SKAP2: variants seen among roughly 807,000 people sequenced by gnomAD.
The protein encoded by SKAP2 is src kinase-associated phosphoprotein 2.
Under a neutral mutation model 54.9 loss-of-function variants are expected in SKAP2, and 28 were observed. The observed-to-expected ratio is 0.51, with a 90% CI of 0.38 to 0.70. SKAP2 has a LOEUF of 0.70. Among genes scored for constraint, SKAP2 ranks in the 30% least tolerant of loss-of-function variants. The pLI is 0.00. For synonymous variants in SKAP2, 137 were observed against 134.3 expected, an observed-to-expected ratio of 1.02 and a Z score of -0.14; for missense variants, 356 against 424.1, an observed-to-expected ratio of 0.84 and a Z score of 1.41.
chr7:26,739,418 G>GT (rs1479726545), intron 5 of SKAP2, among the ~76,000 whole-genome samples: 1 of 152,190 alleles, frequency 6.6e-6, no homozygotes, highest in African/African-American at 2.4e-5. Context: ...TGTTGAAAGA[G>GT]TGAGACCATA....
intron 4 of SKAP2, among the ~76,000 whole-genome samples, chr7:26,841,167 G>A (rs759011138): frequency 9.9e-5 from 15 of 151,994 alleles, no homozygotes; most frequent in Non-Finnish European, 1.9e-4. Context: ...CTGTTTCTCT[G>A]ACAAAGCTGT....
intron 4 of SKAP2, among the ~76,000 whole-genome samples, chr7:26,780,603 CT>C (rs1783406079): frequency 6.6e-6 from 1 of 151,918 alleles, no homozygotes; most frequent in East Asian, 1.9e-4. Context: ...TGAAATATTG[CT>C]TTTATTTTTT....
At chr7:26,827,063 C>A (rs1370232107) in intron 4 of SKAP2, among the ~76,000 whole-genome samples, 2 of 151,968 alleles carry the variant, frequency 1.3e-5, no homozygotes, top group Non-Finnish European at 2.9e-5. Flanking sequence ...TATTTCTTTT[C>A]CCCGTGGTAA....
chr7:26,731,554 C>T (rs775594603), intron 6 of SKAP2, among the ~76,000 whole-genome samples: 2 of 152,104 alleles, frequency 1.3e-5, no homozygotes, highest in Non-Finnish European at 2.9e-5. Context: ...TGATTCTCTA[C>T]TTTTAGTTCA....
intron 6 of SKAP2, among the ~76,000 whole-genome samples, chr7:26,727,542 C>T (rs565732238): frequency 9.9e-5 from 15 of 150,872 alleles, no homozygotes; most frequent in South Asian, 2.1e-4. Context: ...CTACTCATGA[C>T]GAAAAAGATG....
chr7:26,703,845 A>T (rs1317775610), intron 9 of SKAP2, among the ~76,000 whole-genome samples: 1 of 152,200 alleles, frequency 6.6e-6, no homozygotes, highest in African/African-American at 2.4e-5. Context: ...CACTTAAGTA[A>T]CTTGTTCAGC....
At chr7:26,734,360 G>C (rs1787880128) in intron 6 of SKAP2, among the ~76,000 whole-genome samples, 1 of 152,108 alleles carries the variant, frequency 6.6e-6, no homozygotes, top group Admixed American at 6.6e-5. Flanking sequence ...ATTCTCAGAA[G>C]GTTCTTACCA....
intron 9 of SKAP2, among the ~76,000 whole-genome samples, chr7:26,703,177 G>T (rs1481824916): frequency 5.3e-5 from 8 of 152,124 alleles, no homozygotes; most frequent in Non-Finnish European, 1.5e-5. Flanking sequence ...CCCAGAAGAA[G>T]AAGAATTGTC....
At chr7:26,740,968 A>T (rs1416757885) in intron 4 of SKAP2, among the ~76,000 whole-genome samples, 3 of 152,186 alleles carry the variant, frequency 2.0e-5, no homozygotes, top group Admixed American at 2.0e-4. Flanking sequence ...AGCCTGGGAA[A>T]AAAAAGAGAA....
At chr7:26,817,904 AG>A (rs1784305240) in intron 4 of SKAP2, among the ~76,000 whole-genome samples, 1 of 152,226 alleles carries the variant, frequency 6.6e-6, no homozygotes, top group Non-Finnish European at 1.5e-5. Flanking sequence ...TTCTTCAAGG[AG>A]AACTACAAAC....
intron 4 of SKAP2, among the ~76,000 whole-genome samples, chr7:26,740,579 G>A (rs1046762576): frequency 1.3e-5 from 2 of 152,086 alleles, no homozygotes; most frequent in African/African-American, 4.8e-5. Context: ...CCTAAAAAAA[G>A]TTTTTAAATC....
At chr7:26,686,502 T>C (rs1371001991) in intron 10 of SKAP2, among the ~76,000 whole-genome samples, 1 of 152,046 alleles carries the variant, frequency 6.6e-6, no homozygotes, top group Non-Finnish European at 1.5e-5. Flanking sequence ...CTTCATTACA[T>C]TTTTTTCCCC....
chr7:26,803,877 A>G (rs1041092716), intron 4 of SKAP2, among the ~76,000 whole-genome samples: 3 of 152,368 alleles, frequency 2.0e-5, no homozygotes, highest in South Asian at 4.1e-4. Flanking sequence ...ACTGAAAGAC[A>G]AACACTGCAT....
intron 4 of SKAP2, among the ~76,000 whole-genome samples, chr7:26,784,715 A>G (rs1278897650): frequency 6.6e-6 from 1 of 152,268 alleles, no homozygotes; most frequent in African/African-American, 2.4e-5. Flanking sequence ...GTCATTATTG[A>G]AGAGTGAACA....
In SKAP2 at chr7:26,843,977, A is replaced by G. The variant is rs1784868931; in HGVS notation, c.307+53T>C. ...TTTCTCATAAAACTACCACCCATATATATAGCATTGTTTTGTGTGAGTGTC... is the reference window on the plus strand; with the variant it reads ...TTTCTCATAAAACTACCACCCATATGTATAGCATTGTTTTGTGTGAGTGTC... On this transcript the variant is annotated intron_variant, in intron 4 of 12. Coordinates refer to ENST00000345317, the MANE Select transcript of SKAP2 (RefSeq NM_003930.5). The G allele has an allele frequency of 5.5e-6, 6 of 1,095,960 alleles. No homozygotes were observed. The East Asian group carries it at 1.4e-4, about 26-fold the overall frequency. 67.9% of individuals were successfully genotyped at this position (1,095,960 alleles called of 1,614,324 possible).
At chr7:26,664,711 AAAAAGAAAACTG>A (rs1162549814), downstream of SKAP2, among the ~76,000 whole-genome samples, 1 of 147,036 alleles carries the variant, frequency 6.8e-6, no homozygotes, top group African/African-American at 2.6e-5. Flanking sequence ...ATGGATAACA[AAAAAGAAAACTG>A]AAAAGAAAAA....
chr7:26,761,469 AATAATTTTCTAGTCAGTGGAATTTGCT>A, intron 4 of SKAP2, among the ~76,000 whole-genome samples: 1 of 152,328 alleles, frequency 6.6e-6, no homozygotes, highest in African/African-American at 2.4e-5. Context: ...TACTAAGCAA[AATAATTTTCTAGTCAGTGGAATTTGCT>A]ATAAAGAGAA....
intron 4 of SKAP2, among the ~76,000 whole-genome samples, chr7:26,774,327 T>C (rs1045448060): frequency 6.6e-6 from 1 of 151,380 alleles, no homozygotes; most frequent in Non-Finnish European, 1.5e-5. Context: ...AAATAAAAAA[T>C]AAAAATAAAA....
Position 26,854,795 on chromosome 7 carries a change from C to T in SKAP2, c.163G>A (p.Val55Ile), listed in dbSNP as rs1394745071. Residue 55 changes from valine to isoleucine, a missense_variant, in exon 2 of 13, where the codon GTA becomes ATA. By Grantham distance (29) the Val-to-Ile change is conservative. Transcript: ENST00000345317. ...RESLIKKIKD[V>I]KSIYLQEFQD... ...AGGTAAGTGACTTACATAGACTTTA[C>T]ATCTTTTATCTTCTTAATAAGGGAT... 3 of 1,597,956 alleles carry T rather than the reference C, an allele frequency of 1.9e-6. No homozygotes were observed.
Sources: allele counts gnomAD v4.1 joint callset (sites outside exome capture counted in the v4.1 genomes callset), GRCh38; gene constraint gnomAD v4.1.1; transcripts MANE v1.5; gene names NCBI Gene and HGNC (gene_info 2026-07-23, HGNC 2026-07-21).